The following PTPRD variants were observed in gnomAD, a reference collection of about 807,000 sequenced individuals.
PTPRD encodes the protein receptor-type tyrosine-protein phosphatase delta.
PTPRD carries 34 observed loss-of-function variants against 214.5 expected under a neutral mutation model. The observed-to-expected ratio is 0.16, with a 90% confidence interval of 0.12 to 0.21. The LOEUF is 0.21. PTPRD is among the 10% of genes least tolerant of loss of function. The pLI, the probability that PTPRD is intolerant of heterozygous loss-of-function variation, is 1.00. For missense variants in PTPRD, 2,545 were observed against 2,398.7 expected (o/e 1.06, Z -1.27); for synonymous variants, 1,128 against 845.7 (o/e 1.33, Z -5.79).
At chr9:8,560,067 T>C (rs2085555821) in intron 14 of PTPRD, among the ~76,000 whole-genome samples, 1 of 152,222 alleles carries the variant, frequency 6.6e-6, no homozygotes, top group East Asian at 1.9e-4. Context: ...AAGGGAGAAG[T>C]AAATCCAAAA....
chr9:10,568,668 G>A (rs1406961760), intron 2 of PTPRD, among the ~76,000 whole-genome samples: 1 of 152,066 alleles, frequency 6.6e-6, no homozygotes, highest in Middle Eastern at 3.2e-3. Context: ...ACAAGAAATG[G>A]GGAAAGGATT....
intron 6 of PTPRD, among the ~76,000 whole-genome samples, chr9:9,743,455 C>G (rs558801072): frequency 6.6e-6 from 1 of 152,104 alleles, no homozygotes; most frequent in African/African-American, 2.4e-5. Context: ...TAAGTTGTTC[C>G]TATGAAGGCA....
At chr9:10,589,352 AG>A (rs1274223890) in intron 2 of PTPRD, among the ~76,000 whole-genome samples, 1 of 152,064 alleles carries the variant, frequency 6.6e-6, no homozygotes, top group Non-Finnish European at 1.5e-5. Flanking sequence ...TCACAGGGAA[AG>A]AAAGGAAATT....
intron 4 of PTPRD, among the ~76,000 whole-genome samples, chr9:10,031,615 T>C (rs2097070624): frequency 7.7e-6 from 1 of 129,988 alleles, no homozygotes; most frequent in Admixed American, 8.0e-5. Flanking sequence ...TAATAATACT[T>C]AAAAAACTCC....
chr9:8,686,291 G>C (rs1318052412), intron 12 of PTPRD, among the ~76,000 whole-genome samples: 1 of 152,190 alleles, frequency 6.6e-6, no homozygotes, highest in Non-Finnish European at 1.5e-5. Flanking sequence ...AAGTTATGCA[G>C]GGGAGAATTC....
chr9:9,868,304 A>T (rs2064503144), intron 5 of PTPRD, among the ~76,000 whole-genome samples: 1 of 152,174 alleles, frequency 6.6e-6, no homozygotes. Flanking sequence ...ATATAATAAT[A>T]ATTACAGCAA....
chr9:10,002,275 C>CAAA (rs1218667539), intron 4 of PTPRD, among the ~76,000 whole-genome samples: 2 of 147,562 alleles, frequency 1.4e-5, no homozygotes, highest in African/African-American at 4.9e-5. Context: ...ACAAGACATA[C>CAAA]AAAAAAAGTA....
chr9:9,251,866 C>G (rs1326346028), intron 9 of PTPRD, among the ~76,000 whole-genome samples: 3 of 152,100 alleles, frequency 2.0e-5, no homozygotes, highest in Non-Finnish European at 4.4e-5. Flanking sequence ...GCAGTCTTAA[C>G]TACGCATTGG....
chr9:9,931,955 C>G (rs939267012), intron 5 of PTPRD, among the ~76,000 whole-genome samples: 1 of 151,796 alleles, frequency 6.6e-6, no homozygotes, highest in African/African-American at 2.4e-5. Context: ...AGGCACCCCC[C>G]AGCAGGGGCA....
At chr9:8,465,896 G>A (rs1408731824) in intron 31 of PTPRD, among the ~76,000 whole-genome samples, 1 of 151,812 alleles carries the variant, frequency 6.6e-6, no homozygotes, top group Non-Finnish European at 1.5e-5. Context: ...CTCTGACAAG[G>A]TCTAGGCTAT....
intron 12 of PTPRD, among the ~76,000 whole-genome samples, chr9:8,709,081 A>C (rs569955605): frequency 6.6e-6 from 1 of 152,198 alleles, no homozygotes; most frequent in East Asian, 1.9e-4. Context: ...AATAGTGGCT[A>C]TCAGAGGCTG....
At chr9:9,990,515 G>T (rs1367976168) in intron 4 of PTPRD, among the ~76,000 whole-genome samples, 1 of 152,158 alleles carries the variant, frequency 6.6e-6, no homozygotes, top group East Asian at 1.9e-4. Flanking sequence ...GCATGACTGT[G>T]CCCAGTGGCC....
At chr9:8,321,899 C>T (rs757389111) in intron 44 of PTPRD, among the ~76,000 whole-genome samples, 2 of 151,894 alleles carry the variant, frequency 1.3e-5, no homozygotes, top group Non-Finnish European at 2.9e-5. Flanking sequence ...TTGCATTGAA[C>T]AAGTATATTG....
chr9:9,323,144 G>C (rs910833678), intron 9 of PTPRD, among the ~76,000 whole-genome samples: 3 of 151,998 alleles, frequency 2.0e-5, no homozygotes, highest in African/African-American at 7.2e-5. Context: ...AGGTGCTATT[G>C]TATTATAGAG....
At chr9:8,528,475 A>G (rs1338437990) in intron 15 of PTPRD, 116 bp downstream of exon 15, 3 of 911,696 alleles carry the variant, frequency 3.3e-6, no homozygotes, top group African/African-American at 1.7e-5. Context: ...GAAAGAGAAG[A>G]GGGAGAAAAA....
At chr9:9,080,014 A>T (rs775507776) in intron 10 of PTPRD, among the ~76,000 whole-genome samples, 5 of 152,080 alleles carry the variant, frequency 3.3e-5, no homozygotes, top group Non-Finnish European at 7.4e-5. Context: ...CGAACATTCT[A>T]AATTCAGTTA....
At chr9:10,514,276 T>TC (rs2049250892) in intron 2 of PTPRD, among the ~76,000 whole-genome samples, 7 of 151,642 alleles carry the variant, frequency 4.6e-5, no homozygotes, top group African/African-American at 9.7e-5. Context: ...TTCTTTTATG[T>TC]ATTTTTTTTT....
At chr9:10,001,358 T>A (rs2096308691) in intron 4 of PTPRD, among the ~76,000 whole-genome samples, 7 of 152,102 alleles carry the variant, frequency 4.6e-5, no homozygotes, top group Admixed American at 4.6e-4. Context: ...TTTGAAGATA[T>A]AATAGTCAAA....
intron 2 of PTPRD, among the ~76,000 whole-genome samples, chr9:10,466,643 A>G (rs1230513110): frequency 6.4e-5 from 9 of 141,462 alleles, no homozygotes; most frequent in African/African-American, 1.3e-4. Context: ...AAAAAAAAAA[A>G]AAAAAAAAGA....
Sources: allele counts gnomAD v4.1 joint callset (sites outside exome capture counted in the v4.1 genomes callset), GRCh38; gene constraint gnomAD v4.1.1; transcripts MANE v1.5; gene names NCBI Gene and HGNC (gene_info 2026-07-23, HGNC 2026-07-21).